RSU1: variants seen among roughly 807,000 people sequenced by gnomAD.
The protein encoded by RSU1 is Ras suppressor protein 1.
RSU1 carries 26 observed loss-of-function variants against 31.1 expected under a neutral mutation model. That is an observed-to-expected ratio of 0.84 (90% confidence interval 0.61 to 1.16). The LOEUF is 1.16. Ranked by LOEUF, RSU1 falls within the 50% of genes most tolerant of loss-of-function variation. The pLI, the probability that RSU1 is intolerant of heterozygous loss-of-function variation, is 0.00. For missense variants in RSU1, 320 were observed against 339.1 expected (o/e 0.94, Z 0.44); for synonymous variants, 164 against 136.3 (o/e 1.20, Z -1.41).
intron 8 of RSU1, among the ~76,000 whole-genome samples, chr10:16,620,476 G>A (rs1033995910): frequency 4.0e-5 from 6 of 151,772 alleles, no homozygotes; most frequent in African/African-American, 1.5e-4. Flanking sequence ...AACCAGATGT[G>A]GCCTCAGCAG....
At chr10:16,679,880 T>A (rs1003980722) in intron 8 of RSU1, among the ~76,000 whole-genome samples, 1 of 147,692 alleles carries the variant, frequency 6.8e-6, no homozygotes, top group Non-Finnish European at 1.5e-5. Flanking sequence ...TTTTTTTTTT[T>A]TTTTTTTTTT....
intron 8 of RSU1, among the ~76,000 whole-genome samples, chr10:16,694,466 CTAATT>C (rs1266807585): frequency 6.6e-6 from 1 of 152,270 alleles, no homozygotes; most frequent in Non-Finnish European, 1.5e-5. Flanking sequence ...GAATATTCAA[CTAATT>C]TAATACCTCA....
At chr10:16,647,100 C>T (rs117869639) in intron 8 of RSU1, among the ~76,000 whole-genome samples, 1,954 of 152,130 alleles carry the variant, frequency 0.013, 16 homozygotes, top group Middle Eastern at 0.024. Context: ...GCCTCAGCCT[C>T]CTGAGTAGCT....
At chr10:16,637,790 G>A (rs1037932531) in intron 8 of RSU1, among the ~76,000 whole-genome samples, 14 of 151,644 alleles carry the variant, frequency 9.2e-5, no homozygotes, top group South Asian at 2.1e-4. Flanking sequence ...GCTGACTAAC[G>A]GCAATTTTCT....
intron 8 of RSU1, among the ~76,000 whole-genome samples, chr10:16,660,548 C>G (rs1202159900): frequency 6.6e-6 from 1 of 151,650 alleles, no homozygotes. Context: ...ATTTGTCATC[C>G]CTATGTCTTA....
chr10:16,784,553 C>T (rs1837731473), intron 2 of RSU1, among the ~76,000 whole-genome samples: 2 of 152,110 alleles, frequency 1.3e-5, no homozygotes, highest in South Asian at 4.1e-4. Context: ...CCTGTTCTCA[C>T]GCTGCTAGTA....
chr10:16,680,668 G>C (rs957923551), intron 8 of RSU1, among the ~76,000 whole-genome samples: 1 of 152,084 alleles, frequency 6.6e-6, no homozygotes, highest in African/African-American at 2.4e-5. Context: ...GATCTTGTGT[G>C]AACTCAGAGC....
rs72451149 is a variant in RSU1, at chr10:16,695,166, G to GAAA, written c.599-12_599-11insTTT. 5.6e-3 allele frequency: 7,631 copies of GAAA among 1,364,662 alleles called. No homozygotes were observed. Among genetic ancestry groups the GAAA allele is most frequent in the Non-Finnish European group, 6.2e-3 (6,276 of 1,008,138 alleles). 84.5% of individuals were successfully genotyped at this position (1,364,662 alleles called of 1,614,324 possible). A position where few individuals can be genotyped will look rare whatever the true frequency, so the allele number is the denominator to read the frequency against. On this transcript the variant is annotated splice_polypyrimidine_tract_variant and intron_variant, in intron 7 of 8. Coordinates refer to ENST00000345264, the MANE Select transcript of RSU1 (RefSeq NM_012425.4). The stretch of plus-strand genomic sequence containing the variant: ...TTAAATCCAAGTTTCCTGGGGGGGG[G>GAAA]GAAAAAAAAAGTGAAGGTCACTTCA...
At chr10:16,613,248 C>G (rs962532153) in intron 8 of RSU1, among the ~76,000 whole-genome samples, 2 of 152,136 alleles carry the variant, frequency 1.3e-5, no homozygotes, top group African/African-American at 4.8e-5. Context: ...TCATTTTGCA[C>G]GTTGTATATT....
At chr10:16,601,607 A>C (rs1833715660) in intron 8 of RSU1, among the ~76,000 whole-genome samples, 1 of 152,126 alleles carries the variant, frequency 6.6e-6, no homozygotes, top group South Asian at 2.1e-4. Context: ...TGTGTCCTAC[A>C]CAGGATGTCT....
At chr10:16,670,919 C>A (rs2131537554) in intron 8 of RSU1, among the ~76,000 whole-genome samples, 1 of 152,112 alleles carries the variant, frequency 6.6e-6, no homozygotes, top group East Asian at 1.9e-4. Flanking sequence ...GGCCCACCAC[C>A]ACGCCCGGCT....
At chr10:16,652,404 A>C (rs1278948652) in intron 8 of RSU1, among the ~76,000 whole-genome samples, 2 of 151,314 alleles carry the variant, frequency 1.3e-5, no homozygotes, top group Admixed American at 6.6e-5. Flanking sequence ...AAAAAAAAAA[A>C]AAAAAAAACC....
chr10:16,807,603 T>C (rs566843300), intron 2 of RSU1, among the ~76,000 whole-genome samples: 139 of 152,366 alleles, frequency 9.1e-4, no homozygotes, highest in Non-Finnish European at 1.7e-3. Context: ...CTAATATTGA[T>C]GGAGATTAAG....
intron 3 of RSU1, among the ~76,000 whole-genome samples, chr10:16,765,727 T>C (rs1837300383): frequency 6.6e-6 from 1 of 152,138 alleles, no homozygotes; most frequent in East Asian, 1.9e-4. Context: ...ACTAAGAACA[T>C]GAACAGGGGC....
chr10:16,794,937 G>C (rs1321636490), intron 2 of RSU1, among the ~76,000 whole-genome samples: 1 of 152,176 alleles, frequency 6.6e-6, no homozygotes, highest in Admixed American at 6.5e-5. Context: ...GATTGTTCTG[G>C]AGCACAAATT....
At chr10:16,741,215 A>G (rs1024602362) in intron 7 of RSU1, among the ~76,000 whole-genome samples, 2 of 152,256 alleles carry the variant, frequency 1.3e-5, no homozygotes, top group Non-Finnish European at 2.9e-5. Context: ...TAAAAAGAGA[A>G]CAGTCTTTTC....
At chr10:16,636,493 A>C (rs1834346655) in intron 8 of RSU1, among the ~76,000 whole-genome samples, 1 of 152,162 alleles carries the variant, frequency 6.6e-6, no homozygotes, top group Non-Finnish European at 1.5e-5. Flanking sequence ...AGCCACTTTC[A>C]GCTCTTGCCT....
chr10:16,728,978 A>C (rs1836450700), intron 7 of RSU1, among the ~76,000 whole-genome samples: 2 of 152,214 alleles, frequency 1.3e-5, no homozygotes, highest in Non-Finnish European at 2.9e-5. Context: ...CAGAAGCATA[A>C]GAGAATAAAT....
chr10:16,674,663 A>G (rs1835190784), intron 8 of RSU1, among the ~76,000 whole-genome samples: 1 of 152,126 alleles, frequency 6.6e-6, no homozygotes, highest in Non-Finnish European at 1.5e-5. Context: ...ATACAGTGAT[A>G]ATGGAAAAAA....
Sources: gnomAD v4.1 joint callset for allele counts (sites outside exome capture counted in the v4.1 genomes callset) on GRCh38, gnomAD v4.1.1 for gene constraint, MANE v1.5 for transcripts, NCBI Gene and HGNC (gene_info 2026-07-23, HGNC 2026-07-21) for gene names.